ZNF26: variants seen among roughly 807,000 people sequenced by gnomAD.
ZNF26 encodes the protein zinc finger protein 26.
Under a neutral mutation model 54.9 loss-of-function variants are expected in ZNF26, and 32 were observed. That is an observed-to-expected ratio of 0.58 (90% confidence interval 0.44 to 0.78). ZNF26 has a LOEUF of 0.78. Among genes scored for constraint, ZNF26 ranks in the 30% least tolerant of loss-of-function variants. The pLI is 0.00. For synonymous variants in ZNF26, 221 were observed against 209.2 expected (o/e 1.06, Z -0.49); for missense variants, 524 against 634.0 (o/e 0.83, Z 1.86).
At chr12:132,991,662 G>T (rs969194334) in intron 1 of ZNF26, among the ~76,000 whole-genome samples, 1 of 148,834 alleles carries the variant, frequency 6.7e-6, no homozygotes, top group African/African-American at 2.5e-5. Flanking sequence ...AAAAAACCAG[G>T]TGTGCTAGTG....
At position 133,024,700 on chromosome 12, in the gene ZNF26, C is replaced by G. The variant is rs2137288891; in HGVS notation, c.*13219C>G. 1 of 152,208 alleles carries G rather than the reference C, an allele frequency of 6.6e-6. No individual in the cohort carries two copies. The highest frequency in any genetic ancestry group is 6.5e-5 in the Admixed American group (1 of 15,282). The allele number at this position is 152,208 out of a possible 1,614,324, so 9.4% of individuals were successfully genotyped here. A position where few individuals can be genotyped will look rare whatever the true frequency, so the allele number is the denominator to read the frequency against. ...CCCTTCAATGAATAAACAAAAAGGACTTCTAAGGACTTGAGAGAATGCTTC... is the reference window on the plus strand; with the variant it reads ...CCCTTCAATGAATAAACAAAAAGGAGTTCTAAGGACTTGAGAGAATGCTTC... On this transcript the variant is annotated 3_prime_UTR_variant, in exon 4 of 4. Transcript: ENST00000328654.
chr12:133,025,827 C>T lies in ZNF26; in HGVS notation c.*14346C>T, dbSNP rs1953696109. On this transcript the variant is annotated 3_prime_UTR_variant, in exon 4 of 4. Coordinates refer to ENST00000328654, the MANE Select transcript of ZNF26 (RefSeq NM_019591.4). ...AGCAGAGATGAAGCTGTGTAACTTC[C>T]AAAGCTAGGTCATAAAAGGTGATGC... The T allele has an allele frequency of 6.6e-6, 1 of 152,202 alleles. No homozygotes were observed. The highest frequency in any genetic ancestry group is 6.5e-5 in the Admixed American group (1 of 15,282). The allele number at this position is 152,202 out of a possible 1,614,324, so 9.4% of individuals were successfully genotyped here.
chr12:133,014,467 AT>A lies in ZNF26; in HGVS notation c.*2988del, dbSNP rs1953535928. ...CTTTGAGGGTGTTCAGTGAAGGGCA[AT>A]TACTTACAGCATATACTTGGTGCAC... On this transcript the variant is annotated 3_prime_UTR_variant, in exon 4 of 4. Transcript: ENST00000328654. The A allele has an allele frequency of 6.6e-6, 1 of 151,848 alleles. No homozygotes were observed. Among genetic ancestry groups the A allele is most frequent in the Admixed American group, 6.6e-5 (1 of 15,246 alleles). 9.4% of individuals were successfully genotyped at this position (151,848 alleles called of 1,614,324 possible). A position where few individuals can be genotyped will look rare whatever the true frequency, so the allele number is the denominator to read the frequency against.
At position 132,994,088 on chromosome 12, in the gene ZNF26, C is replaced by G. The variant is rs924443289; in HGVS notation, c.33+7215C>G. Among the ~76,000 whole-genome samples the G allele has an allele frequency of 5.3e-5, 8 of 152,280 alleles. No homozygotes were observed. In the South Asian group the frequency reaches 6.2e-4, roughly 12 times the overall value. ...TAGGCTCTGGGAACCTGGTTGAGCT[C>G]CTGAAAGTAAAACTCAGAAAAGCTT... On this transcript the variant is annotated intron_variant, in intron 1 of 3. Transcript: ENST00000328654.
In ZNF26 at chr12:133,020,697, A is replaced by G. The variant is rs1953628660; in HGVS notation, c.*9216A>G. ...AAGAACCACAAACTGGATGGCTTAA[A>G]CAACACAGATATATTGTCTTACTGT... On this transcript the variant is annotated 3_prime_UTR_variant, in exon 4 of 4. Transcript: ENST00000328654. 6.6e-6 allele frequency: 1 copy of G among 152,164 alleles called. No individual in the cohort carries two copies. The highest frequency in any genetic ancestry group is 6.5e-5 in the Admixed American group (1 of 15,272). 9.4% of individuals were successfully genotyped at this position (152,164 alleles called of 1,614,324 possible).
In ZNF26 at chr12:133,015,521, T is replaced by G. The variant is rs1371266974; in HGVS notation, c.*4040T>G. On this transcript the variant is annotated 3_prime_UTR_variant, in exon 4 of 4. Transcript: ENST00000328654. ...AAAAATGAAAAAAAATAAGATGCTT[T>G]CCTATGGTCCCAGCTACTTGGGAGG... 1 of 143,208 alleles carries G rather than the reference T, an allele frequency of 7.0e-6. No homozygotes were observed. Among genetic ancestry groups the G allele is most frequent in the East Asian group, 2.1e-4 (1 of 4,674 alleles). 8.9% of individuals were successfully genotyped at this position (143,208 alleles called of 1,614,324 possible). A position where few individuals can be genotyped will look rare whatever the true frequency, so the allele number is the denominator to read the frequency against.
chr12:132,991,208 C>G (rs1952944805), intron 1 of ZNF26, among the ~76,000 whole-genome samples: 1 of 150,958 alleles, frequency 6.6e-6, no homozygotes, highest in Non-Finnish European at 1.5e-5. Flanking sequence ...AGAAAAATAG[C>G]TAGGCATGGC....
rs1953702124 is a variant in ZNF26 at position 133,026,157 on chromosome 12, A to G, written c.*14676A>G. On this transcript the variant is annotated 3_prime_UTR_variant, in exon 4 of 4. Coordinates refer to ENST00000328654, the MANE Select transcript of ZNF26 (RefSeq NM_019591.4). ...CTCACTCTTTCCCAGGCTGGAGTGC[A>G]GTGGCACGATCCTGGCTCACTGCAG... The G allele has an allele frequency of 6.6e-6, 1 of 151,684 alleles. No individual in the cohort carries two copies. The highest frequency in any genetic ancestry group is 1.5e-5 in the Non-Finnish European group (1 of 68,032). 9.4% of individuals were successfully genotyped at this position (151,684 alleles called of 1,614,324 possible).
intron 1 of ZNF26, among the ~76,000 whole-genome samples, chr12:132,995,798 C>T (rs1953069192): frequency 1.3e-5 from 2 of 152,158 alleles, no homozygotes; most frequent in East Asian, 1.9e-4. Flanking sequence ...ATTACAGTTG[C>T]CCACCACCAT....
At chr12:132,996,878 C>G (rs1668471605) in intron 1 of ZNF26, among the ~76,000 whole-genome samples, 2 of 150,680 alleles carry the variant, frequency 1.3e-5, no homozygotes, top group African/African-American at 4.9e-5. Context: ...ACTTTTCTTA[C>G]TGGTTCTCAT....
At chr12:132,993,745 G>A (rs1416219683) in intron 1 of ZNF26, among the ~76,000 whole-genome samples, 1 of 152,000 alleles carries the variant, frequency 6.6e-6, no homozygotes, top group Non-Finnish European at 1.5e-5. Flanking sequence ...CGTGAGCCAC[G>A]GCGCGTGGTT....
chr12:132,989,278 A>G (rs1256789638), intron 1 of ZNF26, among the ~76,000 whole-genome samples: 1 of 151,984 alleles, frequency 6.6e-6, no homozygotes, highest in African/African-American at 2.4e-5. Context: ...CCTCGTGATC[A>G]GCCCACCTCG....
chr12:133,011,752 A>G lies in ZNF26; in HGVS notation c.*271A>G. The G allele has an allele frequency of 4.4e-6, 1 of 229,710 alleles. No homozygotes were observed. Among genetic ancestry groups the G allele is most frequent in the Non-Finnish European group, 8.5e-6 (1 of 118,078 alleles). The allele number at this position is 229,710 out of a possible 1,614,324, so 14.2% of individuals were successfully genotyped here. On this transcript the variant is annotated 3_prime_UTR_variant, in exon 4 of 4. Transcript: ENST00000328654. Reference sequence around the variant, plus strand: ...AGAGAATTTACACTAGGAACACCTTATAAGTTGAATAAATTAAGGAAGCAT... The same window carrying G: ...AGAGAATTTACACTAGGAACACCTTGTAAGTTGAATAAATTAAGGAAGCAT...
chr12:132,986,664 G>C lies in ZNF26; in HGVS notation c.-177G>C, dbSNP rs945852540. ...ACCGGGAGGTTGTCTAGTCACGCGC[G>C]GTCTGTGTTGGGCGAGAGCTGAGGA... On this transcript the variant is annotated 5_prime_UTR_variant, in exon 1 of 4. Transcript: ENST00000328654. The C allele has an allele frequency of 9.6e-6, 6 of 623,436 alleles. No homozygotes were observed. Among genetic ancestry groups the C allele is most frequent in the Non-Finnish European group, 1.7e-5 (6 of 355,604 alleles). The allele number at this position is 623,436 out of a possible 1,614,324, so 38.6% of individuals were successfully genotyped here. A position where few individuals can be genotyped will look rare whatever the true frequency, so the allele number is the denominator to read the frequency against.
chr12:132,989,022 C>T (rs57326259), intron 1 of ZNF26, among the ~76,000 whole-genome samples: 29,896 of 123,934 alleles, frequency 0.24, 4,106 homozygotes, highest in Non-Finnish European at 0.3. Flanking sequence ...AGGAGTCTTT[C>T]GGTGAATTTT....
rs1034198000 is a variant in ZNF26 at position 133,021,018 on chromosome 12, T to C, written c.*9537T>C. ...GTATGGAAATTAGGACCCCAACATA[T>C]CTCTTTGAGTTGGGGGGACACTACT... On this transcript the variant is annotated 3_prime_UTR_variant, in exon 4 of 4. Transcript: ENST00000328654. 3 of 151,978 alleles carry C rather than the reference T, an allele frequency of 2.0e-5. No individual in the cohort carries two copies. Among genetic ancestry groups the C allele is most frequent in the Non-Finnish European group, 4.4e-5 (3 of 68,024 alleles). 9.4% of individuals were successfully genotyped at this position (151,978 alleles called of 1,614,324 possible). A position where few individuals can be genotyped will look rare whatever the true frequency, so the allele number is the denominator to read the frequency against.
chr12:133,002,967 G>C (rs766582348), intron 1 of ZNF26, among the ~76,000 whole-genome samples: 2 of 152,088 alleles, frequency 1.3e-5, no homozygotes, highest in African/African-American at 4.8e-5. Flanking sequence ...ATGTTAGGTA[G>C]TCATGTGTTG....
chr12:132,991,594 C>T (rs960043768), intron 1 of ZNF26, among the ~76,000 whole-genome samples: 6 of 150,826 alleles, frequency 4.0e-5, no homozygotes, highest in African/African-American at 1.2e-4. Context: ...GCCTGGGCAA[C>T]GCAGAGACCT....
rs1953461165 is a variant in ZNF26, at chr12:133,011,046, G to A, written c.1167G>A (p.Leu389=). The change falls in exon 4 of 4, where the codon CTG becomes CTA. Residue 389 remains leucine, a synonymous_variant. Transcript: ENST00000328654. ...GGAAGGAACAGCTCACTGCACATCT[G>A]AGAGCTCATGCAGGAGAGAAGCCCT... The part of the protein sequence containing the change: ...FGRKEQLTAH[L]RAHAGEKPYG... 6.2e-7 allele frequency: 1 copy of A among 1,614,186 alleles called. No individual in the cohort carries two copies. Among genetic ancestry groups the A allele is most frequent in the Non-Finnish European group, 8.5e-7 (1 of 1,180,026 alleles).
Sources: gnomAD v4.1 joint callset for allele counts (sites outside exome capture counted in the v4.1 genomes callset) on GRCh38, gnomAD v4.1.1 for gene constraint, MANE v1.5 for transcripts, NCBI Gene and HGNC (gene_info 2026-07-23, HGNC 2026-07-21) for gene names.